Variants in NID1 observed in about 807,000 individuals in gnomAD.
The protein encoded by NID1 is nidogen-1.
A neutral mutation model predicts 130.6 loss-of-function variants in NID1; 76 were observed. The ratio of observed to expected loss-of-function variants is 0.58; its 90% CI spans 0.48 to 0.70. NID1 has a LOEUF of 0.70. NID1 is among the 30% of genes least tolerant of loss of function. The probability of loss-of-function intolerance (pLI) is 0.00; values close to 1 mark genes in which losing one functional copy is unlikely to be tolerated. For synonymous variants in NID1, 665 were observed against 675.1 expected, an observed-to-expected ratio of 0.98 and a Z score of 0.23; for missense variants, 1,517 against 1,664.8, an observed-to-expected ratio of 0.91 and a Z score of 1.54.
At chr1:236,003,465 C>T (rs747253550) in intron 12 of NID1, among the ~76,000 whole-genome samples, 5 of 152,200 alleles carry the variant, frequency 3.3e-5, no homozygotes, top group African/African-American at 7.2e-5. Context: ...CCAGCAGTGA[C>T]GTGCACCAGC....
rs1659692289 is a variant in NID1, at chr1:236,049,005, T to C, written c.226-16A>G. On this transcript the variant is annotated splice_polypyrimidine_tract_variant and intron_variant, in intron 1 of 19. Coordinates refer to ENST00000264187, the MANE Select transcript of NID1 (RefSeq NM_002508.3). ...TTGTGGTGACCTGTACAAAACCAAG[T>C]GTGGTTAAAAGGAATGCAGAAACGG... 3 of 1,607,272 alleles carry C rather than the reference T, an allele frequency of 1.9e-6. No homozygotes were observed. Among genetic ancestry groups the C allele is most frequent in the Middle Eastern group, 1.7e-4 (1 of 6,050 alleles).
chr1:236,011,744 C>T (rs561109247), intron 12 of NID1, among the ~76,000 whole-genome samples, 177 bp downstream of exon 12: 3 of 152,040 alleles, frequency 2.0e-5, no homozygotes, highest in East Asian at 3.9e-4. Context: ...ATGGACAGGG[C>T]AGGCAATGGG....
intron 9 of NID1, among the ~76,000 whole-genome samples, chr1:236,021,447 A>C (rs1658760935): frequency 6.6e-6 from 1 of 152,216 alleles, no homozygotes; most frequent in Non-Finnish European, 1.5e-5. Context: ...AGACACCCTG[A>C]CAGGCACCTT....
At chr1:236,046,308 G>A (rs181397108) in intron 2 of NID1, among the ~76,000 whole-genome samples, 7 of 152,278 alleles carry the variant, frequency 4.6e-5, no homozygotes, top group East Asian at 3.9e-4. Context: ...TGCCGGGCGC[G>A]GTGGCTCATG....
intron 3 of NID1, among the ~76,000 whole-genome samples, chr1:236,045,067 C>A (rs1264573459): frequency 2.6e-5 from 4 of 151,930 alleles, no homozygotes; most frequent in Non-Finnish European, 4.4e-5. Flanking sequence ...GGCATGGTGG[C>A]ACACACCTGT....
intron 7 of NID1, 75 bp downstream of exon 7, chr1:236,029,475 G>A (rs1017601138): frequency 2.4e-5 from 34 of 1,421,584 alleles, no homozygotes; most frequent in Non-Finnish European, 2.9e-5. Flanking sequence ...CCCAGTTCAC[G>A]GCTGCCGTGG....
rs1325100623 is a variant in NID1 at position 236,025,915 on chromosome 1, G to A, written c.1965C>T (p.Asn655=). The change falls in exon 8 of 20, where the codon AAC becomes AAT. Residue 655 remains asparagine, a synonymous_variant. Transcript: ENST00000264187. The stretch of plus-strand genomic sequence containing the variant: ...CCTTACCCCTCACAGGCCCAATGGA[G>A]TTGCTGAGAGCATAGCGCAAGATCT... ...EEKILRYALS[N]SIGPVREGSP... 1.2e-6 allele frequency: 2 copies of A among 1,614,094 alleles called. No individual in the cohort carries two copies. Among genetic ancestry groups the A allele is most frequent in the African/African-American group, 2.7e-5 (2 of 75,026 alleles).
intron 12 of NID1, among the ~76,000 whole-genome samples, chr1:236,007,320 A>C (rs1033858716): frequency 6.6e-6 from 1 of 152,104 alleles, no homozygotes; most frequent in Non-Finnish European, 1.5e-5. Flanking sequence ...ATCCTCTAAT[A>C]AACTCCCCTA....
intron 1 of NID1, among the ~76,000 whole-genome samples, chr1:236,062,537 G>A (rs1271241087): frequency 6.6e-6 from 1 of 151,004 alleles, no homozygotes; most frequent in Admixed American, 6.6e-5. Context: ...GGGAGGCTGA[G>A]GCAGGAGAAT....
intron 12 of NID1, among the ~76,000 whole-genome samples, chr1:236,010,511 C>T (rs140194926): frequency 3.6e-4 from 55 of 152,064 alleles, no homozygotes; most frequent in African/African-American, 1.3e-3. Context: ...TTGCCCAGGC[C>T]GGTCTCTCAA....
intron 5 of NID1, among the ~76,000 whole-genome samples, chr1:236,034,511 T>C (rs1659196135): frequency 6.6e-6 from 1 of 151,402 alleles, no homozygotes; most frequent in South Asian, 2.1e-4. Flanking sequence ...GAAATCATCA[T>C]CATGCTAAGG....
At chr1:236,064,580 G>A in intron 1 of NID1, 1 of 421,338 alleles carries the variant, frequency 2.4e-6, no homozygotes, top group East Asian at 5.6e-5. Flanking sequence ...CAGCCGCCGG[G>A]GAGGAAGCTC....
At chr1:236,013,902 T>C (rs535936169) in intron 10 of NID1, among the ~76,000 whole-genome samples, 2 of 152,248 alleles carry the variant, frequency 1.3e-5, no homozygotes, top group East Asian at 1.9e-4. Flanking sequence ...CATCTGGATA[T>C]GGGGGTGGGA....
intron 12 of NID1, among the ~76,000 whole-genome samples, chr1:236,004,876 C>G (rs1304334566): frequency 6.6e-6 from 1 of 151,686 alleles, no homozygotes; most frequent in African/African-American, 2.4e-5. Context: ...AGAGTGGGAT[C>G]AAACTTAAGC....
intron 1 of NID1, chr1:236,064,611 G>A: frequency 3.9e-6 from 2 of 512,656 alleles, no homozygotes; most frequent in South Asian, 2.0e-5. Flanking sequence ...ATGGGTGCCG[G>A]GGTCACGGCC....
intron 5 of NID1, among the ~76,000 whole-genome samples, chr1:236,033,924 G>T (rs1349041434): frequency 1.3e-5 from 2 of 152,086 alleles, no homozygotes; most frequent in Admixed American, 6.6e-5. Context: ...AACATTGAAG[G>T]TTACTGTATG....
Position 235,977,037 on chromosome 1 carries a change from G to A in NID1, c.*830C>T, listed in dbSNP as rs1414271385. On this transcript the variant is annotated 3_prime_UTR_variant, in exon 20 of 20. Coordinates refer to ENST00000264187, the MANE Select transcript of NID1 (RefSeq NM_002508.3). ...GGATGCAAGTATTTTGGGCAAAGAGGAATAATTAGTAATCTTTGGTATAAT... is the reference window on the plus strand; with the variant it reads ...GGATGCAAGTATTTTGGGCAAAGAGAAATAATTAGTAATCTTTGGTATAAT... The A allele has an allele frequency of 6.6e-6, 1 of 152,068 alleles. No individual in the cohort carries two copies. Among genetic ancestry groups the A allele is most frequent in the Non-Finnish European group, 1.5e-5 (1 of 67,992 alleles). 9.4% of individuals were successfully genotyped at this position (152,068 alleles called of 1,614,324 possible). A position where few individuals can be genotyped will look rare whatever the true frequency, so the allele number is the denominator to read the frequency against.
intron 13 of NID1, among the ~76,000 whole-genome samples, chr1:235,993,344 T>C (rs1657814192): frequency 6.6e-6 from 1 of 152,182 alleles, no homozygotes; most frequent in African/African-American, 2.4e-5. Context: ...GCCGCTCTGC[T>C]ACCATTACAG....
chr1:236,016,378 A>G (rs750612279), intron 10 of NID1, among the ~76,000 whole-genome samples: 2 of 152,166 alleles, frequency 1.3e-5, no homozygotes, highest in Non-Finnish European at 2.9e-5. Flanking sequence ...AACAGTGAGG[A>G]AGAGGCAAGA....
Sources: gnomAD v4.1 joint callset for allele counts (sites outside exome capture counted in the v4.1 genomes callset) on GRCh38, gnomAD v4.1.1 for gene constraint, MANE v1.5 for transcripts, NCBI Gene and HGNC (gene_info 2026-07-23, HGNC 2026-07-21) for gene names.